The following CAPG variants were observed in gnomAD, a reference collection of about 807,000 sequenced individuals.
The protein encoded by CAPG is capping actin protein, gelsolin like.
In CAPG, 32 loss-of-function variants were observed where a neutral mutation model predicts 44.6. The observed-to-expected ratio is 0.72, with a 90% CI of 0.54 to 0.96. The LOEUF (loss-of-function observed/expected upper bound fraction) is 0.96, where lower values mean the gene tolerates loss of function less well. CAPG is among the 50% of genes least tolerant of loss of function. The probability of loss-of-function intolerance (pLI) is 0.00; values close to 1 mark genes in which losing one functional copy is unlikely to be tolerated. For missense variants in CAPG, 412 were observed against 438.3 expected (o/e 0.94, Z 0.54); for synonymous variants, 175 against 179.6 (o/e 0.97, Z 0.20).
In CAPG at chr2:85,394,865, G is replaced by A; in HGVS notation, c.*28C>T. On this transcript the variant is annotated 3_prime_UTR_variant, in exon 10 of 10. Coordinates refer to ENST00000263867, the MANE Select transcript of CAPG (RefSeq NM_001747.4). ...AAGCAGGCAGGTGGTGGGGGGCAGG[G>A]GAGCATGGGGCAGGAAGACGCCCAC... is the stretch of plus-strand genomic sequence containing the variant. The A allele has an allele frequency of 1.3e-6, 2 of 1,570,758 alleles. No individual in the cohort carries two copies. Among genetic ancestry groups the A allele is most frequent in the South Asian group, 1.1e-5 (1 of 90,320 alleles).
chr2:85,406,526 C>T (rs1378767379), intron 1 of CAPG, among the ~76,000 whole-genome samples: 1 of 152,162 alleles, frequency 6.6e-6, no homozygotes, highest in Non-Finnish European at 1.5e-5. Context: ...CCCCCGCCGC[C>T]CCAGTGATGT....
chr2:85,402,284 C>T, intron 1 of CAPG, 126 bp from the exon 2 acceptor site: 1 of 705,844 alleles, frequency 1.4e-6, no homozygotes, highest in Non-Finnish European at 2.5e-6. Context: ...CCTCTAGGAG[C>T]CCTAGTTCCA....
At chr2:85,403,254 T>C (rs1686989658) in intron 1 of CAPG, among the ~76,000 whole-genome samples, 1 of 152,156 alleles carries the variant, frequency 6.6e-6, no homozygotes, top group Non-Finnish European at 1.5e-5. Flanking sequence ...TTATATAAAA[T>C]GGGCAAATTC....
rs191874760 is a variant in CAPG at position 85,402,932 on chromosome 2, G to C, written c.-13-774C>G. On this transcript the variant is annotated intron_variant, in intron 1 of 9. Coordinates refer to ENST00000263867, the MANE Select transcript of CAPG (RefSeq NM_001747.4). ...ATTACAGGCCCACACCACCACGCCT[G>C]GCTAATTTTTGTATTTTTAGTAGAG... Among the ~76,000 whole-genome samples, 244 of 152,000 alleles carry C rather than the reference G, an allele frequency of 1.6e-3. 2 individuals carry two copies. Among genetic ancestry groups the C allele is most frequent in the African/African-American group, 5.6e-3 (232 of 41,436 alleles).
chr2:85,414,117 A>G (rs11686739), upstream of CAPG: 4,770 of 152,398 alleles, frequency 0.031, 94 homozygotes, highest in South Asian at 0.043. Flanking sequence ...GGGAGCCCCT[A>G]TGGGAGGCTG....
downstream of CAPG, among the ~76,000 whole-genome samples, chr2:85,392,822 G>A (rs1219833484): frequency 2.0e-5 from 3 of 152,102 alleles, no homozygotes; most frequent in Non-Finnish European, 4.4e-5. Context: ...GCTGCAGCTC[G>A]GCCTCCACTT....
At chr2:85,415,890 C>G (rs1382339356) in intron 1 of CAPG, among the ~76,000 whole-genome samples, 1 of 152,014 alleles carries the variant, frequency 6.6e-6, no homozygotes, top group Non-Finnish European at 1.5e-5. Context: ...CACTCTGTCA[C>G]CTAGGCTCTG....
upstream of CAPG, chr2:85,413,688 G>A (rs1558740206): frequency 6.6e-6 from 1 of 152,250 alleles, no homozygotes; most frequent in Non-Finnish European, 1.5e-5. Context: ...ATCTGGTAAC[G>A]ACGCTCTAGA....
rs185283808 is a variant in CAPG, at chr2:85,416,603, C to T, written c.-14+1664G>A. Among the ~76,000 whole-genome samples, 13 of 152,328 alleles carry T rather than the reference C, an allele frequency of 8.5e-5. 1 individual carries two copies. In the South Asian group the frequency reaches 1.7e-3, roughly 19 times the overall value. ...CTCAGCTCACTGCAACCTTCCCCCC[C>T]GCCGGTTCAAGTGATTCTCCTGCCT... On this transcript the variant is annotated intron_variant, in intron 1 of 5. Transcript: ENST00000409275.
intron 1 of CAPG, chr2:85,418,146 C>T (rs1385285696): frequency 6.6e-6 from 1 of 152,250 alleles, no homozygotes; most frequent in Non-Finnish European, 1.5e-5. Context: ...CGAAAGGGCC[C>T]AGGACCCTCG....
chr2:85,392,614 C>A (rs563427061), downstream of CAPG, among the ~76,000 whole-genome samples: 48 of 152,312 alleles, frequency 3.2e-4, no homozygotes, highest in African/African-American at 1.2e-3. Context: ...TGGAGGGGAA[C>A]TCCTGACTGC....
intron 1 of CAPG, among the ~76,000 whole-genome samples, chr2:85,404,980 G>C (rs1327478071): frequency 2.0e-5 from 3 of 148,232 alleles, no homozygotes; most frequent in Admixed American, 6.7e-5. Flanking sequence ...ACTAGGAATA[G>C]AAAGAAATTT....
At chr2:85,394,380 AG>A (rs1232694352), downstream of CAPG, among the ~76,000 whole-genome samples, 1 of 152,266 alleles carries the variant, frequency 6.6e-6, no homozygotes, top group Non-Finnish European at 1.5e-5. Context: ...CAATTGTGAA[AG>A]GCTGTCCTCT....
chr2:85,408,338 T>TCACACACACACACACACACACACACA (rs71390065), intron 1 of CAPG, among the ~76,000 whole-genome samples: 4 of 129,574 alleles, frequency 3.1e-5, no homozygotes, highest in African/African-American at 6.1e-5. Flanking sequence ...GAAGAATCTG[T>TCACACACACACACACACACACACACA]CACACACACA....
chr2:85,418,535 C>T (rs1471722157), upstream of CAPG: 1 of 150,646 alleles, frequency 6.6e-6, no homozygotes, highest in Non-Finnish European at 1.5e-5. Context: ...GCCTGTGGTG[C>T]CTTTGCTGAG....
upstream of CAPG, chr2:85,413,834 G>A (rs1176094223): frequency 6.6e-6 from 1 of 152,270 alleles, no homozygotes; most frequent in Admixed American, 6.5e-5. Flanking sequence ...TTTTCTTACA[G>A]GAAGCCAGGA....
chr2:85,402,869 C>T (rs1166527138), intron 1 of CAPG, among the ~76,000 whole-genome samples: 1 of 151,736 alleles, frequency 6.6e-6, no homozygotes, highest in African/African-American at 2.4e-5. Context: ...CTCATGAGTT[C>T]AAGTGATTCT....
At chr2:85,398,237 A>C in intron 7 of CAPG, 85 bp from the exon 8 acceptor site, 1 of 1,481,650 alleles carries the variant, frequency 6.7e-7, no homozygotes, top group East Asian at 2.3e-5. Context: ...GGTCCTCCCT[A>C]GGTCCCTCCC....
intron 1 of CAPG, among the ~76,000 whole-genome samples, chr2:85,417,263 C>A (rs1036443409): frequency 4.1e-4 from 62 of 152,214 alleles, no homozygotes; most frequent in Non-Finnish European, 4.4e-5. Flanking sequence ...TGCATTTACT[C>A]TCTAACATGG....
Sources: allele counts gnomAD v4.1 joint callset (sites outside exome capture counted in the v4.1 genomes callset), GRCh38; gene constraint gnomAD v4.1.1; transcripts MANE v1.5; gene names NCBI Gene and HGNC (gene_info 2026-07-23, HGNC 2026-07-21).